Variants in NSUN7 observed in about 807,000 individuals in gnomAD.
The protein encoded by NSUN7 is protein NSUN7.
NSUN7 carries 39 observed loss-of-function variants against 58.5 expected under a neutral mutation model. The ratio of observed to expected loss-of-function variants is 0.67; its 90% CI spans 0.52 to 0.87. The LOEUF (loss-of-function observed/expected upper bound fraction) is 0.87, where lower values mean the gene tolerates loss of function less well. Among genes scored for constraint, NSUN7 ranks in the 40% least tolerant of loss-of-function variants. The pLI is 0.00. For missense variants in NSUN7, 765 were observed against 844.1 expected (o/e 0.91, Z 1.16); for synonymous variants, 278 against 303.7 (o/e 0.92, Z 0.88).
chr4:40,763,528 A>T (rs1277465816), intron 4 of NSUN7, among the ~76,000 whole-genome samples: 1 of 152,148 alleles, frequency 6.6e-6, no homozygotes, highest in Non-Finnish European at 1.5e-5. Flanking sequence ...GGGGCTGATG[A>T]CAGCTGGGGT....
intron 7 of NSUN7, among the ~76,000 whole-genome samples, chr4:40,784,350 T>C (rs1742711876): frequency 1.3e-5 from 2 of 152,316 alleles, no homozygotes; most frequent in Admixed American, 6.5e-5. Flanking sequence ...TTATTCATAA[T>C]AGCTAAAAAG....
intron 4 of NSUN7, among the ~76,000 whole-genome samples, chr4:40,766,592 C>T (rs1741740652): frequency 6.6e-6 from 1 of 152,182 alleles, no homozygotes; most frequent in Non-Finnish European, 1.5e-5. Flanking sequence ...TGATGCTGGC[C>T]TCATAAAATG....
chr4:40,780,811 A>ATT (rs1742519768), intron 7 of NSUN7, among the ~76,000 whole-genome samples: 16 of 94,096 alleles, frequency 1.7e-4, no homozygotes, highest in East Asian at 8.3e-4. Flanking sequence ...ATATATATAT[A>ATT]TATTTTTTTT....
rs761448412 is a variant in NSUN7 at position 40,799,073 on chromosome 4, CTTTTTTT to C, written c.1400+192_1400+198del. On this transcript the variant is annotated intron_variant, in intron 10 of 11. Coordinates refer to ENST00000381782, the MANE Select transcript of NSUN7 (RefSeq NM_024677.6). ...AACCAAGATTCCATAGGGCCTTTTT[CTTTTTTT>C]TTTTTTTTTTTTTTTTTTTTTTAAA... 2.7e-3 allele frequency among the ~76,000 whole-genome samples: 207 copies of C among 76,244 alleles called. 3 individuals are homozygous for C. The highest frequency in any genetic ancestry group is 0.01 in the African/African-American group (202 of 20,162). 50.0% of individuals were successfully genotyped at this position (76,244 alleles called of 152,430 possible).
At chr4:40,788,850 G>A (rs1742952873) in intron 7 of NSUN7, among the ~76,000 whole-genome samples, 1 of 152,144 alleles carries the variant, frequency 6.6e-6, no homozygotes, top group Non-Finnish European at 1.5e-5. Context: ...CAGTCTTGGG[G>A]CTGAGGGTGG....
chr4:40,780,813 A>AT lies in NSUN7; in HGVS notation c.1036+4578dup, dbSNP rs1171816788. On this transcript the variant is annotated intron_variant, in intron 7 of 11. Transcript: ENST00000381782. ...TACACATATATATATATATATATAT[A>AT]TTTTTTTTTTTTTTTTTTTTTTTTG... 3.2e-3 allele frequency among the ~76,000 whole-genome samples: 202 copies of AT among 63,258 alleles called. 1 individual carries two copies. The highest frequency in any genetic ancestry group is 7.7e-3 in the East Asian group (16 of 2,066). 41.5% of individuals were successfully genotyped at this position (63,258 alleles called of 152,430 possible). A position where few individuals can be genotyped will look rare whatever the true frequency, so the allele number is the denominator to read the frequency against.
chr4:40,796,828 C>A (rs1044144391), intron 9 of NSUN7, among the ~76,000 whole-genome samples: 3 of 152,170 alleles, frequency 2.0e-5, no homozygotes, highest in African/African-American at 7.2e-5. Flanking sequence ...TCCTCATCAA[C>A]AAAAATTCCC....
intron 7 of NSUN7, among the ~76,000 whole-genome samples, chr4:40,789,789 A>T (rs934945461): frequency 1.3e-5 from 2 of 152,218 alleles, no homozygotes; most frequent in African/African-American, 4.8e-5. Flanking sequence ...GACACAGAGA[A>T]TAGGAAGAGG....
In NSUN7 at chr4:40,786,315, A is replaced by G; in HGVS notation, c.1037-4287A>G. On this transcript the variant is annotated intron_variant, in intron 7 of 11. Coordinates refer to ENST00000381782, the MANE Select transcript of NSUN7 (RefSeq NM_024677.6). ...AGGTAACCTTGGGAAATTCTAAAACAGTCACTTTTCATTTCTGGGATGTAG... is the reference window on the plus strand; with the variant it reads ...AGGTAACCTTGGGAAATTCTAAAACGGTCACTTTTCATTTCTGGGATGTAG... 3 of 1,612,608 alleles carry G rather than the reference A, an allele frequency of 1.9e-6. No individual in the cohort carries two copies. The South Asian group carries it at 3.3e-5, about 18-fold the overall frequency.
intron 4 of NSUN7, among the ~76,000 whole-genome samples, chr4:40,764,036 C>G (rs182832451): frequency 6.6e-6 from 1 of 151,360 alleles, no homozygotes; most frequent in Non-Finnish European, 1.5e-5. Flanking sequence ...GTATTTTACT[C>G]GAGTCTTCTT....
At chr4:40,768,258 A>G (rs1324088772) in intron 4 of NSUN7, among the ~76,000 whole-genome samples, 3 of 149,362 alleles carry the variant, frequency 2.0e-5, no homozygotes, top group Non-Finnish European at 3.0e-5. Context: ...CTGGAGTGCA[A>G]TGGCACAATC....
chr4:40,762,963 A>G (rs1741530037), intron 4 of NSUN7, among the ~76,000 whole-genome samples: 1 of 129,974 alleles, frequency 7.7e-6, no homozygotes, highest in South Asian at 2.6e-4. Context: ...TCCTGAAACC[A>G]TTCCCTCCAC....
intron 7 of NSUN7, 77 bp downstream of exon 7, chr4:40,776,336 A>T: frequency 2.0e-6 from 2 of 1,022,220 alleles, no homozygotes; most frequent in Non-Finnish European, 2.8e-6. Context: ...TTAATTTATT[A>T]GTTTTTTTGT....
At chr4:40,754,212 A>G (rs1232414456) in intron 2 of NSUN7, among the ~76,000 whole-genome samples, 2 of 151,454 alleles carry the variant, frequency 1.3e-5, no homozygotes, top group Non-Finnish European at 2.9e-5. Context: ...CAATCGCGCA[A>G]TCTCGGTTCA....
At position 40,799,073 on chromosome 4, in the gene NSUN7, C is replaced by CTTTTTGTTTTTTTTTTTT. The variant is rs1553919775; in HGVS notation, c.1400+174_1400+175insGTTTTTTTTTTTTTTTTT. Among the ~76,000 whole-genome samples, 4 of 76,206 alleles carry CTTTTTGTTTTTTTTTTTT rather than the reference C, an allele frequency of 5.2e-5. 2 individuals carry two copies. Among genetic ancestry groups the CTTTTTGTTTTTTTTTTTT allele is most frequent in the Non-Finnish European group, 5.1e-5 (2 of 39,384 alleles). 50.0% of individuals were successfully genotyped at this position (76,206 alleles called of 152,430 possible). A position where few individuals can be genotyped will look rare whatever the true frequency, so the allele number is the denominator to read the frequency against. ...AACCAAGATTCCATAGGGCCTTTTT[C>CTTTTTGTTTTTTTTTTTT]TTTTTTTTTTTTTTTTTTTTTTTTT... On this transcript the variant is annotated intron_variant, in intron 10 of 11. Transcript: ENST00000381782.
chr4:40,759,594 C>G (rs1056446940), intron 2 of NSUN7, among the ~76,000 whole-genome samples: 11 of 152,168 alleles, frequency 7.2e-5, no homozygotes, highest in African/African-American at 2.7e-4. Context: ...TAATACCAAT[C>G]TAACACAAAC....
At chr4:40,760,984 TC>T (rs1387962941) in intron 3 of NSUN7, among the ~76,000 whole-genome samples, 186 bp from the exon 4 acceptor site, 1 of 152,064 alleles carries the variant, frequency 6.6e-6, no homozygotes, top group East Asian at 1.9e-4. Context: ...AAAAACTGTC[TC>T]TTTTGAAAGG....
At chr4:40,798,946 T>C (rs1743440609) in intron 10 of NSUN7, 42 bp downstream of exon 10, 1 of 1,010,972 alleles carries the variant, frequency 9.9e-7, no homozygotes, top group Non-Finnish European at 1.5e-6. Flanking sequence ...CAAACAAATA[T>C]TTTTTAAAAG....
chr4:40,795,290 G>C (rs201054765), intron 9 of NSUN7, among the ~76,000 whole-genome samples: 1 of 152,110 alleles, frequency 6.6e-6, no homozygotes, highest in Non-Finnish European at 1.5e-5. Context: ...ACAAATCACA[G>C]AGGTCACAGC....
Sources: gnomAD v4.1 joint callset for allele counts (sites outside exome capture counted in the v4.1 genomes callset) on GRCh38, gnomAD v4.1.1 for gene constraint, MANE v1.5 for transcripts, NCBI Gene and HGNC (gene_info 2026-07-23, HGNC 2026-07-21) for gene names.